The following HEATR5B variants were observed in gnomAD, a reference collection of about 807,000 sequenced individuals.
HEATR5B encodes the protein HEAT repeat-containing protein 5B.
A neutral mutation model predicts 224.1 loss-of-function variants in HEATR5B; 156 were observed. The ratio of observed to expected loss-of-function variants is 0.70; its 90% CI spans 0.61 to 0.80. The LOEUF (loss-of-function observed/expected upper bound fraction) is 0.80, where lower values mean the gene tolerates loss of function less well. Among genes scored for constraint, HEATR5B ranks in the 30% least tolerant of loss-of-function variants. The probability of loss-of-function intolerance (pLI) is 0.00; values close to 1 mark genes in which losing one functional copy is unlikely to be tolerated. For synonymous variants in HEATR5B, 1,027 were observed against 893.0 expected, an observed-to-expected ratio of 1.15 and a Z score of -2.68; for missense variants, 2,323 against 2,535.5, an observed-to-expected ratio of 0.92 and a Z score of 1.80.
At chr2:37,036,769 C>T (rs1669507496) in intron 21 of HEATR5B, among the ~76,000 whole-genome samples, 1 of 152,092 alleles carries the variant, frequency 6.6e-6, no homozygotes, top group Non-Finnish European at 1.5e-5. Context: ...GCCTTGGCCT[C>T]TCAAAGTGCT....
rs200941686 is a variant in HEATR5B, at chr2:37,032,714, T to G, written c.3276A>C (p.Gln1092His). The change falls in exon 22 of 36, where the codon CAA (glutamine) becomes CAC (histidine). Residue 1092 changes from glutamine to histidine, a missense_variant. Coordinates refer to ENST00000233099, the MANE Select transcript of HEATR5B (RefSeq NM_019024.3). ...LRRAAVACLR[Q>H]LAQREAAEVC... ...CTTCCGCTGCTTCTCTTTGTGCAAG[T>G]TGCCGAAGACATGCCACAGCTGCTC... 6.2e-7 allele frequency: 1 copy of G among 1,614,014 alleles called. No individual in the cohort carries two copies. Among genetic ancestry groups the G allele is most frequent in the Non-Finnish European group, 8.5e-7 (1 of 1,180,016 alleles).
chr2:37,068,977 A>G, intron 7 of HEATR5B, 47 bp from the exon 8 acceptor site: 1 of 1,559,660 alleles, frequency 6.4e-7, no homozygotes, highest in Non-Finnish European at 8.7e-7. Context: ...ACATAACTGA[A>G]CAGAAATCAA....
chr2:37,008,529 T>C (rs746903719), intron 28 of HEATR5B, 82 bp downstream of exon 28: 2 of 927,806 alleles, frequency 2.2e-6, no homozygotes, highest in Non-Finnish European at 3.6e-6. Flanking sequence ...TAGCAACTGT[T>C]GTTGCTAGTC....
At chr2:37,025,223 G>A (rs1409244988) in intron 24 of HEATR5B, among the ~76,000 whole-genome samples, 1 of 152,130 alleles carries the variant, frequency 6.6e-6, no homozygotes, top group Admixed American at 6.6e-5. Context: ...TGGAATCTAG[G>A]TGGGAGCTGT....
At chr2:37,036,916 T>C (rs978580702) in intron 21 of HEATR5B, among the ~76,000 whole-genome samples, 4 of 151,922 alleles carry the variant, frequency 2.6e-5, no homozygotes, top group East Asian at 1.9e-4. Context: ...TTGTAAATAA[T>C]ATTTTTCCAT....
At chr2:37,080,905 C>A (rs923070316) in intron 2 of HEATR5B, among the ~76,000 whole-genome samples, 4 of 152,132 alleles carry the variant, frequency 2.6e-5, no homozygotes, top group Non-Finnish European at 4.4e-5. Context: ...AAACTTCACA[C>A]AAACTGTGCA....
intron 18 of HEATR5B, among the ~76,000 whole-genome samples, chr2:37,044,492 C>A (rs983869227): frequency 2.6e-5 from 4 of 152,148 alleles, no homozygotes; most frequent in African/African-American, 9.7e-5. Flanking sequence ...GAATACATCA[C>A]TATTTATCTA....
At chr2:37,033,466 T>C (rs1669267892) in intron 21 of HEATR5B, among the ~76,000 whole-genome samples, 1 of 152,112 alleles carries the variant, frequency 6.6e-6, no homozygotes, top group Non-Finnish European at 1.5e-5. Flanking sequence ...TCAAATGTAG[T>C]GAATGAAAAG....
intron 29 of HEATR5B, 69 bp from the exon 30 acceptor site, chr2:37,005,828 T>G: frequency 1.6e-6 from 2 of 1,244,202 alleles, no homozygotes; most frequent in Non-Finnish European, 2.2e-6. Flanking sequence ...ATCCCATATT[T>G]CTTCTCTATT....
At chr2:37,050,883 C>CA (rs1434014994) in intron 17 of HEATR5B, among the ~76,000 whole-genome samples, 10 of 151,236 alleles carry the variant, frequency 6.6e-5, no homozygotes, top group Non-Finnish European at 1.0e-4. Context: ...ACTAAAAATA[C>CA]AAAAAAAATT....
intron 2 of HEATR5B, among the ~76,000 whole-genome samples, chr2:37,081,063 TG>T (rs746026317): frequency 5.9e-5 from 9 of 152,152 alleles, no homozygotes; most frequent in African/African-American, 9.7e-5. Flanking sequence ...AAGATGGAGA[TG>T]GATCAAATAA....
At chr2:37,071,671 T>C (rs1671915563) in intron 6 of HEATR5B, among the ~76,000 whole-genome samples, 1 of 151,784 alleles carries the variant, frequency 6.6e-6, no homozygotes, top group South Asian at 2.1e-4. Context: ...GAAAATGCCA[T>C]TTGGGTTCTT....
chr2:37,019,113 G>A (rs547151194), intron 26 of HEATR5B, among the ~76,000 whole-genome samples: 4 of 151,932 alleles, frequency 2.6e-5, no homozygotes, highest in Admixed American at 2.6e-4. Context: ...AGCAGAGATC[G>A]CATGCCACTG....
intron 16 of HEATR5B, among the ~76,000 whole-genome samples, chr2:37,054,332 C>T (rs1383371923): frequency 1.3e-5 from 2 of 151,362 alleles, no homozygotes; most frequent in East Asian, 3.9e-4. Flanking sequence ...GTAGCATGCG[C>T]CACCACGCCT....
At chr2:37,013,137 T>C (rs1202574703) in intron 27 of HEATR5B, among the ~76,000 whole-genome samples, 1 of 152,206 alleles carries the variant, frequency 6.6e-6, no homozygotes, top group Non-Finnish European at 1.5e-5. Context: ...AAAATAATTA[T>C]AACTCCAATA....
intron 8 of HEATR5B, 77 bp from the exon 9 acceptor site, chr2:37,065,987 AT>A: frequency 1.5e-6 from 2 of 1,306,348 alleles, no homozygotes; most frequent in Non-Finnish European, 2.1e-6. Flanking sequence ...ACAATTTATG[AT>A]TTTAGCCATA....
chr2:37,036,015 C>A (rs1669452738), intron 21 of HEATR5B, among the ~76,000 whole-genome samples: 1 of 152,162 alleles, frequency 6.6e-6, no homozygotes, highest in Non-Finnish European at 1.5e-5. Context: ...AATTAATGAA[C>A]AAATCCTTCA....
At chr2:36,995,539 A>G (rs1218432374) in intron 33 of HEATR5B, among the ~76,000 whole-genome samples, 1 of 152,198 alleles carries the variant, frequency 6.6e-6, no homozygotes. Flanking sequence ...ATCCCTGGTA[A>G]TTTTTTAGAA....
At chr2:37,060,183 T>C (rs1242113802) in intron 12 of HEATR5B, among the ~76,000 whole-genome samples, 2 of 152,218 alleles carry the variant, frequency 1.3e-5, no homozygotes, top group Non-Finnish European at 2.9e-5. Flanking sequence ...CAGCTGTTTC[T>C]CCATTATGAA....
Sources: gnomAD v4.1 joint callset for allele counts (sites outside exome capture counted in the v4.1 genomes callset) on GRCh38, gnomAD v4.1.1 for gene constraint, MANE v1.5 for transcripts, NCBI Gene and HGNC (gene_info 2026-07-23, HGNC 2026-07-21) for gene names.